Variants in JAKMIP2 observed in about 807,000 individuals in gnomAD.
The protein encoded by JAKMIP2 is janus kinase and microtubule interacting protein 2, also known as janus kinase and microtubule-interacting protein 2.
In JAKMIP2, 25 loss-of-function variants were observed where a neutral mutation model predicts 115.0. The observed-to-expected ratio is 0.22, with a 90% CI of 0.16 to 0.30. JAKMIP2 has a LOEUF of 0.30. JAKMIP2 is among the 10% of genes least tolerant of loss of function. The probability of loss-of-function intolerance (pLI) is 1.00; values close to 1 mark genes in which losing one functional copy is unlikely to be tolerated. For synonymous variants in JAKMIP2, 334 were observed against 343.6 expected (o/e 0.97, Z 0.31); for missense variants, 642 against 957.6 (o/e 0.67, Z 4.35).
At chr5:147,766,342 T>C (rs1191764789) in intron 1 of JAKMIP2, among the ~76,000 whole-genome samples, 8 of 152,216 alleles carry the variant, frequency 5.3e-5, no homozygotes, top group Admixed American at 6.5e-5. Flanking sequence ...TTTTTTTGCT[T>C]GTTTTCCTTT....
chr5:147,619,360 T>C (rs1561495142), intron 18 of JAKMIP2, among the ~76,000 whole-genome samples: 1 of 152,122 alleles, frequency 6.6e-6, no homozygotes, highest in Non-Finnish European at 1.5e-5. Context: ...TCCTTCTCTG[T>C]CTCTAATTAG....
intron 1 of JAKMIP2, among the ~76,000 whole-genome samples, chr5:147,703,348 A>G (rs1234838751): frequency 6.6e-6 from 1 of 152,168 alleles, no homozygotes; most frequent in African/African-American, 2.4e-5. Flanking sequence ...GTATCTAAAC[A>G]TACTTAAACA....
In JAKMIP2 at chr5:147,714,512, A is replaced by G. The variant is rs1213611786; in HGVS notation, c.-148-42558T>C. 3.3e-5 allele frequency among the ~76,000 whole-genome samples: 5 copies of G among 152,334 alleles called. No homozygotes were observed. In the East Asian group the frequency reaches 9.6e-4, roughly 29 times the overall value. ...CATGGAAGTCTGTCATATATTCAAT[A>G]GAGACTTAAAAGAATCCAAGAGACA... is the stretch of plus-strand genomic sequence containing the variant. On this transcript the variant is annotated intron_variant, in intron 1 of 21. Transcript: ENST00000616793.
Position 147,644,053 on chromosome 5 carries a change from C to G in JAKMIP2, c.1224+5G>C. On this transcript the variant is annotated splice_donor_5th_base_variant and intron_variant, in intron 7 of 21. Coordinates refer to ENST00000616793, the MANE Select transcript of JAKMIP2 (RefSeq NM_001270941.2). ...CTTAGGGTTTACAGATTGATTGACA[C>G]GTACCCTTGTGAGCTCATCAATAAT... The G allele has an allele frequency of 6.4e-7, 1 of 1,556,690 alleles. No individual in the cohort carries two copies. The highest frequency in any genetic ancestry group is 8.8e-7 in the Non-Finnish European group (1 of 1,142,576).
chr5:147,693,564 A>G (rs568034290), intron 1 of JAKMIP2, among the ~76,000 whole-genome samples: 3 of 152,282 alleles, frequency 2.0e-5, no homozygotes, highest in South Asian at 4.1e-4. Flanking sequence ...AAGAGATATC[A>G]CAAACACATT....
At chr5:147,728,351 A>G (rs1045055623) in intron 1 of JAKMIP2, among the ~76,000 whole-genome samples, 2 of 152,168 alleles carry the variant, frequency 1.3e-5, no homozygotes, top group African/African-American at 4.8e-5. Context: ...AATAAAATGC[A>G]TGGTAAAATC....
At position 147,644,054 on chromosome 5, in the gene JAKMIP2, G is replaced by A. The variant is rs756465926; in HGVS notation, c.1224+4C>T. ...TTAGGGTTTACAGATTGATTGACAC[G>A]TACCCTTGTGAGCTCATCAATAATG... On this transcript the variant is annotated splice_donor_region_variant and intron_variant, in intron 7 of 21. Transcript: ENST00000616793. 25 of 1,557,852 alleles carry A rather than the reference G, an allele frequency of 1.6e-5. No homozygotes were observed. Among genetic ancestry groups the A allele is most frequent in the Admixed American group, 5.1e-5 (3 of 58,288 alleles).
intron 8 of JAKMIP2, 45 bp downstream of exon 8, chr5:147,641,663 C>T: frequency 7.3e-7 from 1 of 1,375,106 alleles, no homozygotes; most frequent in Non-Finnish European, 1.0e-6. Context: ...CCTCATCTCT[C>T]TGGCTGTTTG....
chr5:147,740,044 T>C (rs888302925), intron 1 of JAKMIP2, among the ~76,000 whole-genome samples: 2 of 152,220 alleles, frequency 1.3e-5, no homozygotes, highest in Non-Finnish European at 2.9e-5. Flanking sequence ...TATAAACAGC[T>C]CTTTCTCCTT....
At chr5:147,624,385 G>A (rs914963322) in intron 16 of JAKMIP2, among the ~76,000 whole-genome samples, 7 of 152,150 alleles carry the variant, frequency 4.6e-5, no homozygotes, top group Non-Finnish European at 8.8e-5. Flanking sequence ...AAATGAAGAG[G>A]AAGTTCCAAG....
At chr5:147,623,224 C>CTTTTTTTT (rs199676287) in intron 17 of JAKMIP2, among the ~76,000 whole-genome samples, 1 of 138,740 alleles carries the variant, frequency 7.2e-6, no homozygotes, top group African/African-American at 2.7e-5. Context: ...TTGTTCTACT[C>CTTTTTTTT]TTTTTTTTTT....
chr5:147,732,571 C>T (rs1753773317), intron 1 of JAKMIP2, among the ~76,000 whole-genome samples: 1 of 152,056 alleles, frequency 6.6e-6, no homozygotes, highest in Non-Finnish European at 1.5e-5. Flanking sequence ...AAACATAAGG[C>T]TAATTGTATT....
In JAKMIP2 at chr5:147,587,788, T is replaced by C. The variant is rs1754936525; in HGVS notation, c.*3919A>G. ...AATTGAAAGCAAAGTTGAAACAAAA[T>C]ACTGCAGCAAAATTTATTTGGCAAA... On this transcript the variant is annotated 3_prime_UTR_variant, in exon 22 of 22. Transcript: ENST00000616793. 1.3e-5 allele frequency: 2 copies of C among 152,032 alleles called. No homozygotes were observed. Among genetic ancestry groups the C allele is most frequent in the South Asian group, 4.1e-4 (2 of 4,830 alleles). 9.4% of individuals were successfully genotyped at this position (152,032 alleles called of 1,614,324 possible). A position where few individuals can be genotyped will look rare whatever the true frequency, so the allele number is the denominator to read the frequency against.
At chr5:147,752,872 G>A (rs1754609109) in intron 1 of JAKMIP2, among the ~76,000 whole-genome samples, 1 of 152,212 alleles carries the variant, frequency 6.6e-6, no homozygotes, top group African/African-American at 2.4e-5. Flanking sequence ...CATCTGCTGA[G>A]ATGGGGAGTT....
intron 1 of JAKMIP2, among the ~76,000 whole-genome samples, chr5:147,751,904 A>C (rs1580877784): frequency 6.6e-6 from 1 of 152,204 alleles, no homozygotes; most frequent in East Asian, 1.9e-4. Context: ...CCTTCCAAAA[A>C]GTATTTTTGA....
At chr5:147,763,778 A>C (rs967968027) in intron 1 of JAKMIP2, among the ~76,000 whole-genome samples, 1 of 152,174 alleles carries the variant, frequency 6.6e-6, no homozygotes, top group Non-Finnish European at 1.5e-5. Flanking sequence ...GAAGATACCA[A>C]GAGAAGAATG....
At chr5:147,651,081 G>A (rs2126748657) in intron 3 of JAKMIP2, among the ~76,000 whole-genome samples, 1 of 150,640 alleles carries the variant, frequency 6.6e-6, no homozygotes, top group Non-Finnish European at 1.5e-5. Flanking sequence ...TGATGGATTT[G>A]GAGGGAGGTC....
At chr5:147,730,444 C>T (rs1247272143) in intron 1 of JAKMIP2, among the ~76,000 whole-genome samples, 1 of 136,332 alleles carries the variant, frequency 7.3e-6, no homozygotes, top group Non-Finnish European at 1.6e-5. Context: ...GATCATCTTG[C>T]CCTATTTTTT....
rs1755035034 is a variant in JAKMIP2, at chr5:147,589,974, GA to G, written c.*1732del. ...TCTAAAATTGCAAATAAAACTTTAT[GA>G]AAAAGCATTTTAACCCCATTTTGCA... On this transcript the variant is annotated 3_prime_UTR_variant, in exon 22 of 22. Coordinates refer to ENST00000616793, the MANE Select transcript of JAKMIP2 (RefSeq NM_001270941.2). The G allele has an allele frequency of 6.6e-6, 1 of 152,176 alleles. No individual in the cohort carries two copies. The highest frequency in any genetic ancestry group is 2.4e-5 in the African/African-American group (1 of 41,444). The allele number at this position is 152,176 out of a possible 1,614,324, so 9.4% of individuals were successfully genotyped here.
Sources: allele counts gnomAD v4.1 joint callset (sites outside exome capture counted in the v4.1 genomes callset), GRCh38; gene constraint gnomAD v4.1.1; transcripts MANE v1.5; gene names NCBI Gene and HGNC (gene_info 2026-07-23, HGNC 2026-07-21).